Variants in GNA14 observed in about 807,000 individuals in gnomAD.
GNA14 encodes guanine nucleotide-binding protein subunit alpha-14.
Under a neutral mutation model 42.0 loss-of-function variants are expected in GNA14, and 50 were observed. The observed-to-expected ratio is 1.19, with a 90% CI of 0.95 to 1.51. The LOEUF (loss-of-function observed/expected upper bound fraction) is 1.51, where lower values mean the gene tolerates loss of function less well. GNA14 is among the 40% of genes most tolerant of loss of function. The pLI, the probability that GNA14 is intolerant of heterozygous loss-of-function variation, is 0.00. For missense variants in GNA14, 473 were observed against 446.2 expected, an observed-to-expected ratio of 1.06 and a Z score of -0.54; for synonymous variants, 173 against 163.1, an observed-to-expected ratio of 1.06 and a Z score of -0.46.
chr9:77,494,455 GA>G (rs35470646), intron 2 of GNA14, among the ~76,000 whole-genome samples: 43,245 of 150,116 alleles, frequency 0.29, 6,367 homozygotes, highest in East Asian at 0.46. Flanking sequence ...TATTGTGATT[GA>G]AAAAAAAAAT....
rs370898174 is a variant in GNA14 at position 77,474,048 on chromosome 9, A to G, written c.310-39526T>C. Among the ~76,000 whole-genome samples, 11 of 152,298 alleles carry G rather than the reference A, an allele frequency of 7.2e-5. No individual in the cohort carries two copies. The South Asian group carries it at 2.3e-3, about 32-fold the overall frequency. On this transcript the variant is annotated intron_variant, in intron 2 of 6. Transcript: ENST00000341700. ...TCTAAACTGAAGAGCTAAAACTATAAAACTCTTAGAAGTAACATAGGCATA... is the reference window on the plus strand; with the variant it reads ...TCTAAACTGAAGAGCTAAAACTATAGAACTCTTAGAAGTAACATAGGCATA...
chr9:77,563,213 T>C (rs1822911884), intron 1 of GNA14, among the ~76,000 whole-genome samples: 1 of 152,104 alleles, frequency 6.6e-6, no homozygotes, highest in Non-Finnish European at 1.5e-5. Flanking sequence ...AGCTCAACAA[T>C]GAAACCTAAG....
chr9:77,628,048 A>T (rs1218451620), intron 1 of GNA14, among the ~76,000 whole-genome samples: 1 of 152,226 alleles, frequency 6.6e-6, no homozygotes, highest in African/African-American at 2.4e-5. Context: ...GCAAAGTCTC[A>T]GGATACAAAA....
intron 2 of GNA14, chr9:77,456,568 A>C (rs1462865735): frequency 1.3e-5 from 2 of 152,234 alleles, no homozygotes; most frequent in Non-Finnish European, 2.9e-5. Flanking sequence ...GTGTAAGAGA[A>C]TATCTGACAC....
At chr9:77,511,243 G>C (rs572917722) in intron 2 of GNA14, among the ~76,000 whole-genome samples, 1 of 151,932 alleles carries the variant, frequency 6.6e-6, no homozygotes, top group African/African-American at 2.4e-5. Flanking sequence ...AGTTCTTCTG[G>C]GTTACACAGC....
intron 2 of GNA14, among the ~76,000 whole-genome samples, chr9:77,506,699 AT>A (rs1837077120): frequency 6.6e-6 from 1 of 152,130 alleles, no homozygotes; most frequent in Non-Finnish European, 1.5e-5. Flanking sequence ...TTCATGAGAT[AT>A]TTTATGTTAT....
chr9:77,645,936 AAAAGTACAAAGCCCCGCACCC>A (rs1232746377), intron 1 of GNA14, among the ~76,000 whole-genome samples: 3 of 152,216 alleles, frequency 2.0e-5, no homozygotes, highest in Non-Finnish European at 4.4e-5. Flanking sequence ...GGTTCAGGGC[AAAAGTACAAAGCCCCGCACCC>A]ATAGTTATTT....
chr9:77,639,746 C>A (rs1824230546), intron 1 of GNA14, among the ~76,000 whole-genome samples: 1 of 152,206 alleles, frequency 6.6e-6, no homozygotes, highest in African/African-American at 2.4e-5. Context: ...GCGGAGCCTC[C>A]TCTCCAATTT....
intron 1 of GNA14, among the ~76,000 whole-genome samples, chr9:77,588,225 G>T (rs58083521): frequency 0.053 from 7,992 of 152,142 alleles, 687 homozygotes; most frequent in African/African-American, 0.18. Flanking sequence ...GATTCAGAGG[G>T]GGACATCTTT....
At chr9:77,607,088 G>A (rs1177784732) in intron 1 of GNA14, among the ~76,000 whole-genome samples, 4 of 152,000 alleles carry the variant, frequency 2.6e-5, no homozygotes, top group African/African-American at 4.8e-5. Context: ...CCCAGTCTAC[G>A]GTATTCTGTT....
intron 5 of GNA14, among the ~76,000 whole-genome samples, chr9:77,428,173 G>C (rs979267657): frequency 1.3e-5 from 2 of 150,382 alleles, no homozygotes; most frequent in Admixed American, 1.3e-4. Flanking sequence ...CCGCCTCCCG[G>C]GTTCACGCCA....
intron 2 of GNA14, among the ~76,000 whole-genome samples, chr9:77,491,637 C>T (rs969331316): frequency 1.3e-5 from 2 of 152,090 alleles, no homozygotes; most frequent in Admixed American, 6.6e-5. Context: ...TCTATCCATC[C>T]AACATTGGAA....
intron 1 of GNA14, among the ~76,000 whole-genome samples, chr9:77,618,533 C>G (rs1428937057): frequency 7.5e-6 from 1 of 132,844 alleles, no homozygotes; most frequent in Non-Finnish European, 1.5e-5. Context: ...TATAAGGTAT[C>G]TCACTGAAAA....
intron 2 of GNA14, among the ~76,000 whole-genome samples, chr9:77,446,329 G>A (rs1587765572): frequency 6.6e-6 from 1 of 152,228 alleles, no homozygotes; most frequent in African/African-American, 2.4e-5. Flanking sequence ...TTCAATTTAA[G>A]AACAGGTTGG....
chr9:77,581,640 A>T (rs1215743593), intron 1 of GNA14, among the ~76,000 whole-genome samples: 1 of 152,178 alleles, frequency 6.6e-6, no homozygotes, highest in Non-Finnish European at 1.5e-5. Context: ...AAATTACCCC[A>T]ATCGGATCCT....
chr9:77,514,739 A>G (rs1014068160), intron 2 of GNA14, among the ~76,000 whole-genome samples: 6 of 150,914 alleles, frequency 4.0e-5, no homozygotes, highest in Middle Eastern at 6.4e-3. Context: ...TCAGCCTCCC[A>G]AGTAGCTGGG....
intron 1 of GNA14, among the ~76,000 whole-genome samples, chr9:77,539,295 T>G (rs911696712): frequency 6.6e-6 from 1 of 152,268 alleles, no homozygotes. Flanking sequence ...TCTATTGATG[T>G]GATATATCAC....
At chr9:77,546,460 T>G (rs890889472) in intron 1 of GNA14, among the ~76,000 whole-genome samples, 2 of 152,082 alleles carry the variant, frequency 1.3e-5, no homozygotes, top group African/African-American at 4.8e-5. Flanking sequence ...AGAGAAAAAT[T>G]TCTTTTCTGG....
chr9:77,444,046 T>C (rs1479870521), intron 2 of GNA14, among the ~76,000 whole-genome samples: 1 of 152,134 alleles, frequency 6.6e-6, no homozygotes, highest in Non-Finnish European at 1.5e-5. Context: ...TATGATAAAA[T>C]ACTTAAACCC....
Sources: gnomAD v4.1 joint callset for allele counts (sites outside exome capture counted in the v4.1 genomes callset) on GRCh38, gnomAD v4.1.1 for gene constraint, MANE v1.5 for transcripts, NCBI Gene and HGNC (gene_info 2026-07-23, HGNC 2026-07-21) for gene names.